TTC28: variants seen among roughly 807,000 people sequenced by gnomAD.
The protein encoded by TTC28 is tetratricopeptide repeat domain 28.
Under a neutral mutation model 198.0 loss-of-function variants are expected in TTC28, and 61 were observed. The ratio of observed to expected loss-of-function variants is 0.31; its 90% CI spans 0.25 to 0.38. TTC28 has a LOEUF of 0.38. Among genes scored for constraint, TTC28 ranks in the 10% least tolerant of loss-of-function variants. TTC28 has a pLI of 1.00. For missense variants in TTC28, 2,678 were observed against 3,164.0 expected, an observed-to-expected ratio of 0.85 and a Z score of 3.69; for synonymous variants, 1,171 against 1,297.8, an observed-to-expected ratio of 0.90 and a Z score of 2.10.
intron 2 of TTC28, among the ~76,000 whole-genome samples, chr22:28,425,324 C>T (rs149010930): frequency 6.6e-6 from 1 of 152,310 alleles, no homozygotes; most frequent in Non-Finnish European, 1.5e-5. Context: ...TTCAGTTCTG[C>T]ATGTGTCAGA....
intron 2 of TTC28, among the ~76,000 whole-genome samples, chr22:28,508,800 C>A (rs550398996): frequency 1.3e-5 from 2 of 152,150 alleles, no homozygotes; most frequent in South Asian, 4.2e-4. Flanking sequence ...CTTTAACACC[C>A]CACTGACAAT....
chr22:28,065,612 A>G (rs1940719062), intron 12 of TTC28, among the ~76,000 whole-genome samples: 1 of 152,242 alleles, frequency 6.6e-6, no homozygotes, highest in Non-Finnish European at 1.5e-5. Flanking sequence ...CTGCTGCAAT[A>G]CTTAACACAG....
At chr22:28,285,903 C>T (rs576632434) in intron 5 of TTC28, among the ~76,000 whole-genome samples, 6 of 152,228 alleles carry the variant, frequency 3.9e-5, no homozygotes, top group African/African-American at 1.2e-4. Context: ...TGAATTTCAA[C>T]AGTGGATGAA....
intron 2 of TTC28, among the ~76,000 whole-genome samples, chr22:28,340,393 A>T (rs1271451840): frequency 9.2e-5 from 14 of 152,032 alleles, no homozygotes. Flanking sequence ...CTATAATTTG[A>T]GACCTTGTGA....
chr22:28,067,534 T>G (rs1387693276), intron 12 of TTC28, among the ~76,000 whole-genome samples: 1 of 152,114 alleles, frequency 6.6e-6, no homozygotes, highest in East Asian at 1.9e-4. Context: ...ACTAGATGTT[T>G]GTGAAGCTTA....
At chr22:28,584,675 C>T (rs1325163784) in intron 2 of TTC28, among the ~76,000 whole-genome samples, 2 of 152,100 alleles carry the variant, frequency 1.3e-5, no homozygotes, top group African/African-American at 2.4e-5. Context: ...CCTACCATAC[C>T]GGACAACACA....
intron 2 of TTC28, among the ~76,000 whole-genome samples, chr22:28,417,143 C>T (rs928210680): frequency 6.6e-6 from 1 of 151,642 alleles, no homozygotes; most frequent in African/African-American, 2.4e-5. Context: ...AATCCCATCA[C>T]TTTGGGAGGC....
At chr22:28,063,375 T>A (rs930822491) in intron 12 of TTC28, among the ~76,000 whole-genome samples, 2 of 152,210 alleles carry the variant, frequency 1.3e-5, no homozygotes, top group South Asian at 2.1e-4. Flanking sequence ...AATGTGGCCA[T>A]TGGCCATGTT....
chr22:28,069,747 T>G (rs536369115), intron 12 of TTC28, among the ~76,000 whole-genome samples: 2 of 152,114 alleles, frequency 1.3e-5, no homozygotes, highest in Non-Finnish European at 2.9e-5. Flanking sequence ...TATCTATCCC[T>G]TTTCAACCTA....
chr22:27,982,442 C>T lies in TTC28; in HGVS notation c.7225G>A (p.Asp2409Asn), dbSNP rs1392575058. The T allele has an allele frequency of 6.4e-7, 1 of 1,551,474 alleles. No homozygotes were observed. The highest frequency in any genetic ancestry group is 8.7e-7 in the Non-Finnish European group (1 of 1,146,956). ...PRHNKKEEGV[D>N]KLELKELSLQ... is the part of the protein sequence containing the mutation. ...GACAGCTCCTTCAGTTCAAGCTTAT[C>T]CACTCCCTCCTCCTTCTTATTGTGC... The change falls in exon 23 of 23, where the codon GAT (aspartate) becomes AAT (asparagine). Residue 2409 changes from aspartate (D) to asparagine (N), a missense_variant. Coordinates refer to ENST00000397906, the MANE Select transcript of TTC28 (RefSeq NM_001145418.2). This position sits in a 1 kb window ranked among gnomAD's most constrained non-coding sequence, Gnocchi z 5.2.
At chr22:28,663,054 C>G (rs1161393316) in intron 1 of TTC28, among the ~76,000 whole-genome samples, 2 of 151,974 alleles carry the variant, frequency 1.3e-5, no homozygotes, top group African/African-American at 4.8e-5. Flanking sequence ...CGAGACCATC[C>G]TGGCTAACAC....
At chr22:28,674,693 T>A (rs1029289799) in intron 1 of TTC28, among the ~76,000 whole-genome samples, 1 of 151,306 alleles carries the variant, frequency 6.6e-6, no homozygotes, top group South Asian at 2.1e-4. Flanking sequence ...GTGGTGCACA[T>A]CTGTAATCCC....
intron 2 of TTC28, among the ~76,000 whole-genome samples, chr22:28,323,755 A>C (rs2045483150): frequency 1.3e-5 from 2 of 152,224 alleles, no homozygotes; most frequent in Admixed American, 6.5e-5. Context: ...ATCAATATTC[A>C]AGAACAAGAG....
chr22:28,631,232 G>C (rs1428900962), intron 1 of TTC28, among the ~76,000 whole-genome samples: 1 of 152,116 alleles, frequency 6.6e-6, no homozygotes, highest in African/African-American at 2.4e-5. Flanking sequence ...TTAAACTTAT[G>C]CAAGTTTTAA....
At chr22:28,179,794 T>C (rs1406162770) in intron 5 of TTC28, among the ~76,000 whole-genome samples, 2 of 152,352 alleles carry the variant, frequency 1.3e-5, no homozygotes, top group East Asian at 3.9e-4. Context: ...TATTACAGTA[T>C]ATCCTGGCCA....
At chr22:28,258,915 G>GTA (rs1931137926) in intron 5 of TTC28, among the ~76,000 whole-genome samples, 1 of 151,772 alleles carries the variant, frequency 6.6e-6, no homozygotes, top group South Asian at 2.1e-4. Flanking sequence ...GTGTGTGTGT[G>GTA]TGTGTGTGTG....
At chr22:28,633,397 G>C (rs1365580113) in intron 1 of TTC28, among the ~76,000 whole-genome samples, 3 of 152,116 alleles carry the variant, frequency 2.0e-5, no homozygotes, top group African/African-American at 4.8e-5. Flanking sequence ...GGGAGGCAAA[G>C]GTGGGTGGAC....
intron 12 of TTC28, among the ~76,000 whole-genome samples, chr22:28,062,571 G>A (rs912110218): frequency 6.6e-6 from 1 of 151,908 alleles, no homozygotes; most frequent in East Asian, 1.9e-4. Context: ...CTGGGCTCAC[G>A]TGATCCTCCT....
rs149632020 is a variant in TTC28 at position 28,448,064 on chromosome 22, T to C, written c.382-141421A>G. ...ATATTTTTTCATTAGGAATGATTTA[T>C]ATAGAGCTACTAAGCCAGCATAGTT... On this transcript the variant is annotated intron_variant, in intron 2 of 22. Transcript: ENST00000397906. Among the ~76,000 whole-genome samples, 88 of 152,316 alleles carry C rather than the reference T, an allele frequency of 5.8e-4. 1 individual carries two copies. The East Asian group carries it at 0.014, about 25-fold the overall frequency.
Sources: gnomAD v4.1 joint callset for allele counts (sites outside exome capture counted in the v4.1 genomes callset) on GRCh38, gnomAD v4.1.1 for gene constraint, Gnocchi (gnomAD v3.1) non-coding constraint, MANE v1.5 for transcripts, NCBI Gene and HGNC (gene_info 2026-07-23, HGNC 2026-07-21) for gene names.